Variants in SLC25A21 observed in about 807,000 individuals in gnomAD.
SLC25A21 encodes solute carrier family 25 member 21, also known as mitochondrial 2-oxodicarboxylate carrier.
SLC25A21 carries 47 observed loss-of-function variants against 43.8 expected under a neutral mutation model. The ratio of observed to expected loss-of-function variants is 1.07; its 90% CI spans 0.85 to 1.37. SLC25A21 has a LOEUF of 1.37. SLC25A21 is among the 40% of genes most tolerant of loss of function. The pLI is 0.00. For synonymous variants in SLC25A21, 131 were observed against 121.3 expected, an observed-to-expected ratio of 1.08 and a Z score of -0.52; for missense variants, 352 against 350.2, an observed-to-expected ratio of 1.00 and a Z score of -0.04.
At chr14:36,853,536 C>T (rs1889806853) in intron 2 of SLC25A21, among the ~76,000 whole-genome samples, 1 of 152,186 alleles carries the variant, frequency 6.6e-6, no homozygotes, top group South Asian at 2.1e-4. Flanking sequence ...CTCCTGCTAC[C>T]AGCCCGGGTC....
At chr14:37,138,166 C>T (rs947896637) in intron 1 of SLC25A21, among the ~76,000 whole-genome samples, 2 of 152,024 alleles carry the variant, frequency 1.3e-5, no homozygotes, top group Non-Finnish European at 2.9e-5. Context: ...GCATTTATTC[C>T]CAGGTGACTA....
chr14:36,779,225 TTATA>T (rs1181729418), intron 3 of SLC25A21, among the ~76,000 whole-genome samples: 5 of 146,646 alleles, frequency 3.4e-5, no homozygotes, highest in Middle Eastern at 3.6e-3. Context: ...TTACATATTC[TTATA>T]TATAAGATAT....
chr14:36,760,385 AAGGAAGGC>A lies in SLC25A21; in HGVS notation c.204-25820_204-25813del, dbSNP rs1262586404. Among the ~76,000 whole-genome samples the A allele has an allele frequency of 2.8e-3, 403 of 142,768 alleles. 3 individuals are homozygous for A. Among genetic ancestry groups the A allele is most frequent in the African/African-American group, 8.6e-3 (335 of 38,730 alleles). The allele number at this position is 142,768 out of a possible 152,430, so 93.7% of individuals were successfully genotyped here. ...GAAGGAAGGAAGGAAGGAAGGAAGG[AAGGAAGGC>A]AGGCCTCATGAAGAAAATCTCTGGA... On this transcript the variant is annotated intron_variant, in intron 3 of 9. Transcript: ENST00000331299.
At chr14:36,909,240 T>C (rs848698) in intron 1 of SLC25A21, among the ~76,000 whole-genome samples, 73,879 of 151,874 alleles carry the variant, frequency 0.49, 19,879 homozygotes, top group East Asian at 0.99. Flanking sequence ...GGCAACCAAA[T>C]GGGATGATAC....
At chr14:36,781,547 A>C (rs1377266641) in intron 3 of SLC25A21, among the ~76,000 whole-genome samples, 2 of 152,196 alleles carry the variant, frequency 1.3e-5, no homozygotes, top group Non-Finnish European at 2.9e-5. Context: ...TCTTATAGTT[A>C]TAACCATATC....
chr14:37,059,182 C>T (rs927959407), intron 1 of SLC25A21, among the ~76,000 whole-genome samples: 2 of 152,210 alleles, frequency 1.3e-5, no homozygotes, highest in Non-Finnish European at 2.9e-5. Context: ...TCCACATTTA[C>T]AGAGTGTTTA....
At chr14:37,104,191 A>G (rs1465894787) in intron 1 of SLC25A21, among the ~76,000 whole-genome samples, 1 of 152,206 alleles carries the variant, frequency 6.6e-6, no homozygotes, top group Non-Finnish European at 1.5e-5. Flanking sequence ...TGTAAAAATA[A>G]TTAACCTCAT....
chr14:37,151,380 T>A (rs1594819360), intron 1 of SLC25A21, among the ~76,000 whole-genome samples: 1 of 152,290 alleles, frequency 6.6e-6, no homozygotes, highest in East Asian at 1.9e-4. Flanking sequence ...GAAAAAAAGA[T>A]GCCGCATTAA....
At chr14:36,924,630 CA>C (rs1434827778) in intron 1 of SLC25A21, among the ~76,000 whole-genome samples, 1 of 151,906 alleles carries the variant, frequency 6.6e-6, no homozygotes, top group Admixed American at 6.6e-5. Context: ...ACATATGTAA[CA>C]AACCTGCACC....
intron 1 of SLC25A21, among the ~76,000 whole-genome samples, chr14:36,912,804 A>T (rs1891729087): frequency 6.6e-6 from 1 of 152,122 alleles, no homozygotes; most frequent in Non-Finnish European, 1.5e-5. Flanking sequence ...TTAGGTGCCC[A>T]TCTTATCTTG....
At position 37,116,456 on chromosome 14, in the gene SLC25A21, T is replaced by C. The variant is rs187024924; in HGVS notation, c.70+55825A>G. 2.6e-5 allele frequency among the ~76,000 whole-genome samples: 4 copies of C among 152,332 alleles called. No individual in the cohort carries two copies. In the East Asian group the frequency reaches 7.7e-4, roughly 29 times the overall value. On this transcript the variant is annotated intron_variant, in intron 1 of 9. Transcript: ENST00000331299. ...ACATTTGAAGTCCTTGGACATGTTA[T>C]TGAAAGCCCTTACTAGGCAGACCTT...
At chr14:36,878,001 C>T (rs778715736) in intron 1 of SLC25A21, among the ~76,000 whole-genome samples, 1 of 152,036 alleles carries the variant, frequency 6.6e-6, no homozygotes, top group East Asian at 1.9e-4. Flanking sequence ...TGGTATTGAC[C>T]TCTGCTAATG....
intron 1 of SLC25A21, among the ~76,000 whole-genome samples, chr14:36,941,147 G>A (rs530778327): frequency 8.1e-5 from 12 of 148,670 alleles, no homozygotes; most frequent in African/African-American, 3.1e-4. Flanking sequence ...ACCAAACTCC[G>A]GGAGTACACA....
chr14:37,042,545 G>C (rs899983470), intron 1 of SLC25A21, among the ~76,000 whole-genome samples: 1 of 152,104 alleles, frequency 6.6e-6, no homozygotes, highest in Non-Finnish European at 1.5e-5. Context: ...ATACTCTTTA[G>C]ATATAACTTG....
chr14:37,088,298 G>C (rs910398892), intron 1 of SLC25A21, among the ~76,000 whole-genome samples: 9 of 152,046 alleles, frequency 5.9e-5, no homozygotes, highest in Admixed American at 2.6e-4. Context: ...GCTTTTATAG[G>C]ATTCACTTTT....
intron 7 of SLC25A21, among the ~76,000 whole-genome samples, chr14:36,695,716 A>C (rs1361145875): frequency 6.6e-6 from 1 of 151,652 alleles, no homozygotes. Context: ...TCTGTCTGTT[A>C]ATGGAGTATA....
At chr14:37,127,895 A>T (rs923021144) in intron 1 of SLC25A21, among the ~76,000 whole-genome samples, 5 of 152,214 alleles carry the variant, frequency 3.3e-5, no homozygotes, top group Non-Finnish European at 5.9e-5. Flanking sequence ...CATAAAGAGA[A>T]GAGACTATTA....
intron 1 of SLC25A21, among the ~76,000 whole-genome samples, chr14:37,047,351 A>C (rs1425082233): frequency 6.6e-6 from 1 of 152,198 alleles, no homozygotes; most frequent in African/African-American, 2.4e-5. Flanking sequence ...TTGTACACTA[A>C]CACAGGATAA....
At chr14:36,899,243 A>C (rs533812662) in intron 1 of SLC25A21, among the ~76,000 whole-genome samples, 1 of 152,292 alleles carries the variant, frequency 6.6e-6, no homozygotes, top group African/African-American at 2.4e-5. Flanking sequence ...AAAAAACTAA[A>C]ATTGAGGTAA....
Sources: allele counts gnomAD v4.1 joint callset (sites outside exome capture counted in the v4.1 genomes callset), GRCh38; gene constraint gnomAD v4.1.1; transcripts MANE v1.5; gene names NCBI Gene and HGNC (gene_info 2026-07-23, HGNC 2026-07-21).